The following RGS12 variants were observed in gnomAD, a reference collection of about 807,000 sequenced individuals.
RGS12 encodes the protein regulator of G protein signaling 12.
In RGS12, 66 loss-of-function variants were observed where a neutral mutation model predicts 120.1. That is an observed-to-expected ratio of 0.55 (90% CI 0.45 to 0.67). The LOEUF (loss-of-function observed/expected upper bound fraction) is 0.67, where lower values mean the gene tolerates loss of function less well. Ranked by LOEUF, RGS12 falls within the 30% of genes least tolerant of loss-of-function variation. The probability of loss-of-function intolerance (pLI) is 0.00; values close to 1 mark genes in which losing one functional copy is unlikely to be tolerated. For synonymous variants in RGS12, 827 were observed against 804.7 expected, an observed-to-expected ratio of 1.03 and a Z score of -0.47; for missense variants, 1,859 against 1,957.7, an observed-to-expected ratio of 0.95 and a Z score of 0.95.
At chr4:3,358,735 T>C (rs1312474278) in intron 3 of RGS12, among the ~76,000 whole-genome samples, 2 of 152,020 alleles carry the variant, frequency 1.3e-5, no homozygotes, top group Non-Finnish European at 2.9e-5. Context: ...TTTGCTAGTA[T>C]TTGGTTGAGG....
At chr4:3,344,141 C>T (rs903896977) in intron 3 of RGS12, among the ~76,000 whole-genome samples, 1 of 152,198 alleles carries the variant, frequency 6.6e-6, no homozygotes, top group African/African-American at 2.4e-5. Context: ...ACTGCTCCAG[C>T]TCCTGCTCTT....
intron 2 of RGS12, among the ~76,000 whole-genome samples, chr4:3,323,656 C>T (rs1725354422): frequency 6.6e-6 from 1 of 152,138 alleles, no homozygotes; most frequent in African/African-American, 2.4e-5. Flanking sequence ...TTGATGGCAA[C>T]CTTAGACTGT....
At chr4:3,376,322 T>A (rs1717690164) in intron 3 of RGS12, among the ~76,000 whole-genome samples, 1 of 151,840 alleles carries the variant, frequency 6.6e-6, no homozygotes, top group Non-Finnish European at 1.5e-5. Context: ...GGTCTGTGTC[T>A]CAGCCCCAGG....
intron 4 of RGS12, among the ~76,000 whole-genome samples, chr4:3,411,867 T>C (rs1485198416): frequency 6.6e-6 from 1 of 152,284 alleles, no homozygotes; most frequent in African/African-American, 2.4e-5. Flanking sequence ...CGCCCTGTCC[T>C]GCGTGTGAGC....
intron 4 of RGS12, among the ~76,000 whole-genome samples, chr4:3,399,846 C>G (rs1226203806): frequency 6.6e-6 from 1 of 152,230 alleles, no homozygotes; most frequent in African/African-American, 2.4e-5. Flanking sequence ...TACATGCCTA[C>G]TGCAGTTTGG....
At chr4:3,425,253 C>T (rs1237505060) in intron 13 of RGS12, among the ~76,000 whole-genome samples, 1 of 152,170 alleles carries the variant, frequency 6.6e-6, no homozygotes, top group African/African-American at 2.4e-5. Context: ...GTGATTCCAT[C>T]GAGCTTAGGA....
intron 4 of RGS12, among the ~76,000 whole-genome samples, chr4:3,408,425 C>T (rs1721384910): frequency 1.3e-5 from 2 of 152,194 alleles, no homozygotes; most frequent in African/African-American, 4.8e-5. Context: ...GCTCAGGGGG[C>T]TCTGCCTCGC....
chr4:3,385,051 A>C (rs1412415676), intron 3 of RGS12: 1 of 152,538 alleles, frequency 6.6e-6, no homozygotes, highest in Non-Finnish European at 1.5e-5. Context: ...CAGCAGCTGG[A>C]AGCCCTGGCT....
chr4:3,409,495 A>C (rs1721505342), intron 4 of RGS12, among the ~76,000 whole-genome samples: 1 of 152,228 alleles, frequency 6.6e-6, no homozygotes, highest in Admixed American at 6.5e-5. Flanking sequence ...GTCACCATTC[A>C]TTCATTCCAC....
chr4:3,399,167 A>ATG (rs1395991280), intron 4 of RGS12, among the ~76,000 whole-genome samples: 1 of 152,266 alleles, frequency 6.6e-6, no homozygotes, highest in Non-Finnish European at 1.5e-5. Flanking sequence ...GTAGCATTAA[A>ATG]TGTATATATT....
Position 3,317,817 on chromosome 4 carries a change from A to T in RGS12, c.1647A>T (p.Gly549=), listed in dbSNP as rs934069235. 2 of 1,613,042 alleles carry T rather than the reference A, an allele frequency of 1.2e-6. No individual in the cohort carries two copies. The highest frequency in any genetic ancestry group is 1.7e-6 in the Non-Finnish European group (2 of 1,179,726). The change falls in exon 2 of 18, where the codon GGA becomes GGT. Residue 549 remains glycine (G), a synonymous_variant. Coordinates refer to ENST00000336727, the MANE Select transcript of RGS12 (RefSeq NM_001394154.1). ...ACGTGCTCCGGGAGTGGCAGTGCGG[A>T]CACACCAGCGACCAGGACTCTTACA... is the stretch of plus-strand genomic sequence containing the variant. ...PVHVLREWQC[G]HTSDQDSYTD... is the part of the protein sequence containing the mutation.
At chr4:3,293,443 G>T (rs1723167945) in intron 1 of RGS12, among the ~76,000 whole-genome samples, 1 of 145,110 alleles carries the variant, frequency 6.9e-6, no homozygotes, top group Non-Finnish European at 1.5e-5. Flanking sequence ...CGCGGGGGCG[G>T]CGCCGGGCAG....
chr4:3,318,376 C>T (rs1724951732), intron 2 of RGS12, among the ~76,000 whole-genome samples: 1 of 152,200 alleles, frequency 6.6e-6, no homozygotes, highest in African/African-American at 2.4e-5. Flanking sequence ...CCTCCCCTTC[C>T]TGCTCCTCCC....
At chr4:3,398,898 C>T (rs1720312850) in intron 4 of RGS12, among the ~76,000 whole-genome samples, 1 of 152,136 alleles carries the variant, frequency 6.6e-6, no homozygotes, top group Non-Finnish European at 1.5e-5. Context: ...GCCACACATG[C>T]AGTTGCTACA....
rs1407546793 is a variant in RGS12, at chr4:3,372,515, T to C, written c.1999-13901T>C. Among the ~76,000 whole-genome samples the C allele has an allele frequency of 1.3e-5, 2 of 152,180 alleles. No individual in the cohort carries two copies. Among genetic ancestry groups the C allele is most frequent in the Non-Finnish European group, 1.5e-5 (1 of 68,026 alleles). On this transcript the variant is annotated intron_variant, in intron 3 of 17. Transcript: ENST00000336727. The surrounding 1 kb of genome is among the most constrained non-coding windows in gnomAD (Gnocchi z 4.3). ...CCCGATGTTCCCCCTGTGCTCGAGC[T>C]AGGGGTTTGACTTTAGTCCTCAGCT...
chr4:3,286,977 G>A, the RGS12 span, among the ~76,000 whole-genome samples: 1 of 152,208 alleles, frequency 6.6e-6, no homozygotes, highest in Non-Finnish European at 1.5e-5. Flanking sequence ...GGCTATGATG[G>A]TGATCTGGGA....
At chr4:3,386,312 A>G (rs1296587876) in intron 3 of RGS12, 104 bp from the exon 4 acceptor site, 4 of 1,120,750 alleles carry the variant, frequency 3.6e-6, no homozygotes, top group Middle Eastern at 2.0e-4. Flanking sequence ...TGCCTCTGAG[A>G]ACCTCCCAGA....
chr4:3,416,037 G>A lies in RGS12; in HGVS notation c.2343G>A (p.Pro781=), dbSNP rs139044880. ...SKFLCSKATT[P]VNIDSQAQLA... ...TTCTCTGCAGCAAAGCCACCACCCC[G>A]GTCAACATCGACAGCCAGGCCCAGC... Residue 781 remains proline (P), a synonymous_variant, in exon 7 of 18, where the codon CCG becomes CCA. Coordinates refer to ENST00000336727, the MANE Select transcript of RGS12 (RefSeq NM_001394154.1). The A allele has an allele frequency of 5.4e-5, 87 of 1,613,780 alleles. No homozygotes were observed. Among genetic ancestry groups the A allele is most frequent in the South Asian group, 3.3e-4 (30 of 91,038 alleles).
intron 3 of RGS12, among the ~76,000 whole-genome samples, chr4:3,367,366 G>A (rs1011693152): frequency 6.6e-6 from 1 of 152,290 alleles, no homozygotes; most frequent in Non-Finnish European, 1.5e-5. Context: ...GGCGGTGCCT[G>A]TGCAGCGCAT....
Sources: gnomAD v4.1 joint callset for allele counts (sites outside exome capture counted in the v4.1 genomes callset) on GRCh38, gnomAD v4.1.1 for gene constraint, Gnocchi (gnomAD v3.1) non-coding constraint, MANE v1.5 for transcripts, NCBI Gene and HGNC (gene_info 2026-07-23, HGNC 2026-07-21) for gene names.